Variants in A2M observed in about 807,000 individuals in gnomAD.
A2M encodes alpha-2-macroglobulin, also known as C3 and PZP-like alpha-2-macroglobulin domain-containing protein 5.
A2M carries 128 observed loss-of-function variants against 183.9 expected under a neutral mutation model. The observed-to-expected ratio is 0.70, with a 90% CI of 0.60 to 0.81. The LOEUF is 0.81. Among genes scored for constraint, A2M ranks in the 30% least tolerant of loss-of-function variants. A2M has a pLI of 0.00. For missense variants in A2M, 1,495 were observed against 1,787.6 expected (o/e 0.84, Z 2.95); for synonymous variants, 592 against 670.8 (o/e 0.88, Z 1.81).
In A2M at chr12:9,080,181, G is replaced by C. The variant is rs201887643; in HGVS notation, c.2771-4C>G. On this transcript the variant is annotated splice_polypyrimidine_tract_variant and splice_region_variant and intron_variant, in intron 22 of 35. Coordinates refer to ENST00000318602, the MANE Select transcript of A2M (RefSeq NM_000014.6). ...AATTCTTCAGAAACCTCACCACCTA[G>C]AGAAATAAGCAAATCAGACATATGA... 180 of 1,562,556 alleles carry C rather than the reference G, an allele frequency of 1.2e-4. No individual in the cohort carries two copies. The African/African-American group carries it at 2.1e-3, about 18-fold the overall frequency.
intron 17 of A2M, among the ~76,000 whole-genome samples, chr12:9,094,340 C>CATATATATATATATATATAT (rs59647548): frequency 1.0e-5 from 1 of 97,018 alleles, no homozygotes; most frequent in Non-Finnish European, 2.0e-5. Flanking sequence ...AAAAATTGTG[C>CATATATATATATATATATAT]ATATATATAT....
chr12:9,070,370 A>G (rs747418675), intron 32 of A2M, 118 bp downstream of exon 32: 1 of 712,642 alleles, frequency 1.4e-6, no homozygotes. Flanking sequence ...AGCTGGAAAA[A>G]GGATAAGGCT....
At position 9,069,789 on chromosome 12, in the gene A2M, G is replaced by A. The variant is rs181129451; in HGVS notation, c.4219C>T (p.Arg1407Trp). Residue 1407 changes from arginine (R) to tryptophan (W), a missense_variant, in exon 33 of 36, where the codon CGG (arginine) becomes TGG (tryptophan). Coordinates refer to ENST00000318602, the MANE Select transcript of A2M (RefSeq NM_000014.6). ...ACATGGTTGCTGCTGACTTCTGTCC[G>A]GCTCACATGGTTAGATCTTTCAAGC... ...KMLERSNHVS[R>W]TEVSSNHVLI... 750 of 1,612,916 alleles carry A rather than the reference G, an allele frequency of 4.6e-4. 6 individuals carry two copies. The African/African-American group carries it at 8.6e-3, about 19-fold the overall frequency.
At chr12:9,112,666 A>G (rs1938828967) in intron 2 of A2M, 130 bp from the exon 3 acceptor site, 12 of 973,582 alleles carry the variant, frequency 1.2e-5, no homozygotes, top group Non-Finnish European at 1.8e-5. Context: ...CAGCAGGGAA[A>G]GTTGGCATGG....
Position 9,102,799 on chromosome 12 carries a change from C to T in A2M, c.1267-1125G>A, listed in dbSNP as rs778979710. ...TGTCAAGACTAGCACAGTGCTGGCA[C>T]GTGGAAAGCATTCAAGACACTTTTT... On this transcript the variant is annotated intron_variant, in intron 11 of 35. Coordinates refer to ENST00000318602, the MANE Select transcript of A2M (RefSeq NM_000014.6). 4.6e-5 allele frequency among the ~76,000 whole-genome samples: 7 copies of T among 152,218 alleles called. No individual in the cohort carries two copies. In the East Asian group the frequency reaches 1.4e-3, roughly 29 times the overall value.
chr12:9,069,867 G>T, intron 32 of A2M, 54 bp from the exon 33 acceptor site: 1 of 1,529,266 alleles, frequency 6.5e-7, no homozygotes, highest in Non-Finnish European at 9.0e-7. Context: ...ACCCCTGGGG[G>T]ATCCAGAGAA....
chr12:9,111,870 CTG>C (rs1855352285), intron 4 of A2M: 1 of 444,758 alleles, frequency 2.2e-6, no homozygotes, highest in South Asian at 2.1e-5. Context: ...GAGGATTTTT[CTG>C]TGTCTGCTAT....
intron 17 of A2M, 64 bp from the exon 18 acceptor site, chr12:9,093,643 A>G: frequency 1.2e-6 from 1 of 844,034 alleles, no homozygotes; most frequent in Non-Finnish European, 1.7e-6. Context: ...AGAGAATGTA[A>G]TAGTTGCCAC....
In A2M at chr12:9,101,450, A is replaced by C. The variant is rs777528167; in HGVS notation, c.1491T>G (p.Tyr497Ter). 1 of 1,611,240 alleles carries C rather than the reference A, an allele frequency of 6.2e-7. No homozygotes were observed. Among genetic ancestry groups the C allele is most frequent in the South Asian group, 1.1e-5 (1 of 90,840 alleles). Residue 497 changes from tyrosine (Y) to a stop codon, truncating the protein, a stop_gained, in exon 12 of 36, where the codon TAT (tyrosine) becomes TAG (stop). Transcript: ENST00000318602. LOFTEE classifies it high-confidence loss of function. ...LLGLKKLSFY[Y>*]LIMAKGGIVR... Reference sequence around the variant, plus strand: ...ACGCAGTAACCTCCCTTCTCACCAGATAATAGAAGGAGAGCTTCTTCAGCC... The same window carrying C: ...ACGCAGTAACCTCCCTTCTCACCAGCTAATAGAAGGAGAGCTTCTTCAGCC...
intron 11 of A2M, 109 bp downstream of exon 11, chr12:9,104,130 T>A: frequency 8.7e-7 from 1 of 1,143,188 alleles, no homozygotes; most frequent in Non-Finnish European, 1.2e-6. Flanking sequence ...AATTGCTAGT[T>A]TTTTTCTCTC....
At chr12:9,089,782 C>G (rs1423176057) in intron 21 of A2M, 120 bp downstream of exon 21, 1 of 755,656 alleles carries the variant, frequency 1.3e-6, no homozygotes, top group African/African-American at 1.8e-5. Flanking sequence ...GAAAGTAAAT[C>G]AAGAGAGAGA....
chr12:9,090,512 G>T, intron 19 of A2M, 30 bp from the exon 20 acceptor site: 1 of 1,608,682 alleles, frequency 6.2e-7, no homozygotes, highest in South Asian at 1.1e-5. Flanking sequence ...AGGGAGTAGA[G>T]AGGGAAGGAG....
chr12:9,085,223 A>C (rs1031267195), intron 22 of A2M, among the ~76,000 whole-genome samples: 2 of 152,098 alleles, frequency 1.3e-5, no homozygotes, highest in African/African-American at 4.8e-5. Context: ...GCACACAAGA[A>C]ACATTCTCCA....
At position 9,101,452 on chromosome 12, in the gene A2M, A is replaced by G; in HGVS notation, c.1489T>C (p.Tyr497His). Residue 497 changes from tyrosine to histidine, a missense_variant, in exon 12 of 36, where the codon TAT becomes CAT. Coordinates refer to ENST00000318602, the MANE Select transcript of A2M (RefSeq NM_000014.6). ...GCAGTAACCTCCCTTCTCACCAGAT[A>G]ATAGAAGGAGAGCTTCTTCAGCCCC... ...LLGLKKLSFY[Y>H]LIMAKGGIVR... 6.2e-7 allele frequency: 1 copy of G among 1,611,606 alleles called. No individual in the cohort carries two copies. Among genetic ancestry groups the G allele is most frequent in the Non-Finnish European group, 8.5e-7 (1 of 1,178,014 alleles).
At chr12:9,067,995 C>A in intron 35 of A2M, 156 bp from the exon 36 acceptor site, 1 of 956,730 alleles carries the variant, frequency 1.0e-6, no homozygotes. Context: ...ATAAGCAATC[C>A]TATGGACTCT....
At chr12:9,097,121 G>A (rs1416983781) in intron 15 of A2M, among the ~76,000 whole-genome samples, 2 of 152,036 alleles carry the variant, frequency 1.3e-5, no homozygotes, top group African/African-American at 2.4e-5. Context: ...AAAATTCTTT[G>A]AGAATTATAA....
At chr12:9,095,731 C>CTTATTT (rs2137829383) in intron 15 of A2M, 31 bp from the exon 16 acceptor site, 2 of 510,274 alleles carry the variant, frequency 3.9e-6, no homozygotes, top group Non-Finnish European at 6.7e-6. Context: ...AAAAGGCAAA[C>CTTATTT]TTATTTGTGA....
chr12:9,113,356 TCACAGCGAAGGCGA>T lies in A2M; in HGVS notation c.260_270+3del. ...AGTATATTAAGTCAAACAGCCACAC[TCACAGCGAAGGCGA>T]CACAGTGGAGTACGTCATTCTCCGC... On this transcript the variant is annotated splice_donor_variant and splice_donor_region_variant and coding_sequence_variant and intron_variant, in exon 2 of 36. Transcript: ENST00000318602. LOFTEE classifies it high-confidence loss of function. 2 of 1,612,894 alleles carry T rather than the reference TCACAGCGAAGGCGA, an allele frequency of 1.2e-6. No homozygotes were observed. Among genetic ancestry groups the T allele is most frequent in the Non-Finnish European group, 1.7e-6 (2 of 1,179,650 alleles).
chr12:9,110,255 G>T lies in A2M; in HGVS notation c.504+59C>A. ...GATATTGTAAAAACCTCTGAAATAA[G>T]AACATTTTCCCTATATGTATTGCTT... is the stretch of plus-strand genomic sequence containing the variant. On this transcript the variant is annotated intron_variant, in intron 5 of 35. Coordinates refer to ENST00000318602, the MANE Select transcript of A2M (RefSeq NM_000014.6). 2.2e-6 allele frequency: 3 copies of T among 1,335,420 alleles called. No individual in the cohort carries two copies. The South Asian group carries it at 4.2e-5, about 19-fold the overall frequency. 82.7% of individuals were successfully genotyped at this position (1,335,420 alleles called of 1,614,324 possible).
Sources: gnomAD v4.1 joint callset for allele counts (sites outside exome capture counted in the v4.1 genomes callset) on GRCh38, gnomAD v4.1.1 for gene constraint, MANE v1.5 for transcripts, NCBI Gene and HGNC (gene_info 2026-07-23, HGNC 2026-07-21) for gene names.